HECW1: variants seen among roughly 807,000 people sequenced by gnomAD.
The protein encoded by HECW1 is HECT, C2 and WW domain containing E3 ubiquitin protein ligase 1.
A neutral mutation model predicts 182.3 loss-of-function variants in HECW1; 61 were observed. The observed-to-expected ratio is 0.33, with a 90% CI of 0.27 to 0.41. The LOEUF is 0.41. Ranked by LOEUF, HECW1 falls within the 10% of genes least tolerant of loss-of-function variation. The pLI is 1.00. For synonymous variants in HECW1, 859 were observed against 832.6 expected, an observed-to-expected ratio of 1.03 and a Z score of -0.55; for missense variants, 1,739 against 2,108.9, an observed-to-expected ratio of 0.82 and a Z score of 3.44.
chr7:43,471,379 G>A (rs2152901099), intron 16 of HECW1, among the ~76,000 whole-genome samples: 1 of 152,312 alleles, frequency 6.6e-6, no homozygotes, highest in South Asian at 2.1e-4. Flanking sequence ...GCCAGAGCAG[G>A]TCCTTGCCCC....
intron 2 of HECW1, among the ~76,000 whole-genome samples, chr7:43,161,041 G>A (rs1790475089): frequency 6.6e-6 from 1 of 151,772 alleles, no homozygotes; most frequent in African/African-American, 2.4e-5. Flanking sequence ...GGGTGTGTGA[G>A]TCCCCTGGGT....
intron 2 of HECW1, among the ~76,000 whole-genome samples, chr7:43,199,144 C>T (rs187263912): frequency 8.7e-4 from 132 of 152,358 alleles, no homozygotes; most frequent in African/African-American, 3.2e-3. Flanking sequence ...AGCTCCCGCT[C>T]AGGGAACAGC....
chr7:43,223,797 C>T (rs970613982), intron 2 of HECW1, among the ~76,000 whole-genome samples: 5 of 152,190 alleles, frequency 3.3e-5, no homozygotes, highest in Non-Finnish European at 5.9e-5. Context: ...TCCGCTCTGG[C>T]CACTCCAGCC....
chr7:43,552,528 A>G (rs768564091), intron 28 of HECW1, among the ~76,000 whole-genome samples, 192 bp downstream of exon 28: 10 of 152,212 alleles, frequency 6.6e-5, no homozygotes, highest in Non-Finnish European at 1.0e-4. Context: ...TCATCACCCC[A>G]AAAGGAAACC....
rs57273496 is a variant in HECW1, at chr7:43,364,837, C to T, written c.555+3857C>T. Among the ~76,000 whole-genome samples, 756 of 152,344 alleles carry T rather than the reference C, an allele frequency of 5.0e-3. 5 individuals carry two copies. The highest frequency in any genetic ancestry group is 0.017 in the African/African-American group (724 of 41,572). ...TTTATTTTCTGTAGAAAATCACTGT[C>T]AAAGCAAGCTCTTCCTCTCCATATT... is the stretch of plus-strand genomic sequence containing the variant. On this transcript the variant is annotated intron_variant, in intron 6 of 29. Transcript: ENST00000395891.
intron 5 of HECW1, among the ~76,000 whole-genome samples, chr7:43,327,992 C>CATT (rs1811013999): frequency 8.7e-6 from 1 of 115,114 alleles, no homozygotes; most frequent in Non-Finnish European, 1.8e-5. Context: ...TTATTATTAT[C>CATT]ATTATTATTT....
At chr7:43,557,853 T>C (rs2082081698) in intron 29 of HECW1, among the ~76,000 whole-genome samples, 1 of 152,240 alleles carries the variant, frequency 6.6e-6, no homozygotes, top group Non-Finnish European at 1.5e-5. Flanking sequence ...TTTACCCTTA[T>C]TATCTGCAAT....
At chr7:43,138,806 C>T (rs972332935) in intron 2 of HECW1, among the ~76,000 whole-genome samples, 2 of 152,006 alleles carry the variant, frequency 1.3e-5, no homozygotes, top group East Asian at 3.9e-4. Flanking sequence ...AGGGTAGGGG[C>T]AGGGGGAAGG....
chr7:43,334,212 C>T (rs1811844910), intron 5 of HECW1, among the ~76,000 whole-genome samples: 2 of 152,174 alleles, frequency 1.3e-5, no homozygotes, highest in Admixed American at 6.5e-5. Context: ...CTTATCTACC[C>T]AGGACCAATT....
intron 12 of HECW1, 55 bp from the exon 13 acceptor site, chr7:43,456,242 C>G: frequency 6.5e-7 from 1 of 1,538,076 alleles, no homozygotes; most frequent in Non-Finnish European, 8.9e-7. Flanking sequence ...ATGTGTTTCA[C>G]GTGGGTCAGT....
chr7:43,411,372 T>C (rs905836965), intron 8 of HECW1, among the ~76,000 whole-genome samples: 2 of 152,178 alleles, frequency 1.3e-5, no homozygotes. Context: ...TCTATTTAAA[T>C]TTATCAAGCC....
intron 2 of HECW1, among the ~76,000 whole-genome samples, chr7:43,237,140 AGTAG>A (rs71008898): frequency 0.17 from 22,438 of 133,676 alleles, 1,888 homozygotes; most frequent in East Asian, 0.24. Context: ...GAAGGAAGGA[AGTAG>A]GTAGGTAGGT....
rs958556645 is a variant in HECW1 at position 43,354,606 on chromosome 7, G to A, written c.461-6280G>A. Reference sequence around the variant, plus strand: ...TCAAAGAGAGGCTATTTGAAAATACGCAGAGGAGAAAAAAGAAAAAACAAT... The same window carrying A: ...TCAAAGAGAGGCTATTTGAAAATACACAGAGGAGAAAAAAGAAAAAACAAT... On this transcript the variant is annotated intron_variant, in intron 5 of 29. Coordinates refer to ENST00000395891, the MANE Select transcript of HECW1 (RefSeq NM_015052.5). 1.4e-4 allele frequency among the ~76,000 whole-genome samples: 21 copies of A among 152,068 alleles called. No individual in the cohort carries two copies. In the South Asian group the frequency reaches 2.1e-3, roughly 15 times the overall value.
At chr7:43,414,887 T>C (rs2075935836) in intron 8 of HECW1, among the ~76,000 whole-genome samples, 3 of 152,132 alleles carry the variant, frequency 2.0e-5, no homozygotes, top group Non-Finnish European at 4.4e-5. Context: ...TTTGCATCAA[T>C]GTTCATCAAG....
intron 3 of HECW1, among the ~76,000 whole-genome samples, chr7:43,271,546 C>T (rs1802410159): frequency 6.6e-6 from 1 of 152,140 alleles, no homozygotes; most frequent in Non-Finnish European, 1.5e-5. Flanking sequence ...AAATCAGTAG[C>T]ATTTCTATAC....
chr7:43,321,053 C>T (rs533342044), intron 5 of HECW1, among the ~76,000 whole-genome samples: 15 of 152,280 alleles, frequency 9.9e-5, no homozygotes, highest in African/African-American at 3.4e-4. Flanking sequence ...ATGGCTCCTC[C>T]GGGGGCATCT....
intron 6 of HECW1, 77 bp downstream of exon 6, chr7:43,361,057 CGTGTGTGT>C (rs3032904): frequency 0.077 from 49,132 of 634,850 alleles, 1,060 homozygotes; most frequent in East Asian, 0.2. Context: ...CTTGTGCGTG[CGTGTGTGT>C]GTGTGTGTGT....
chr7:43,153,336 A>G (rs1789544934), intron 2 of HECW1, among the ~76,000 whole-genome samples: 1 of 152,170 alleles, frequency 6.6e-6, no homozygotes, highest in African/African-American at 2.4e-5. Context: ...GGGCATATGT[A>G]TTCCCTTTCC....
At chr7:43,198,321 TACAC>T (rs1320212496) in intron 2 of HECW1, among the ~76,000 whole-genome samples, 21 of 138,236 alleles carry the variant, frequency 1.5e-4, no homozygotes, top group Admixed American at 3.6e-4. Flanking sequence ...CACTGTCACT[TACAC>T]ACACATCCTA....
Sources: gnomAD v4.1 joint callset for allele counts (sites outside exome capture counted in the v4.1 genomes callset) on GRCh38, gnomAD v4.1.1 for gene constraint, MANE v1.5 for transcripts, NCBI Gene and HGNC (gene_info 2026-07-23, HGNC 2026-07-21) for gene names.